The following RSPO3 variants were observed in gnomAD, a reference collection of about 807,000 sequenced individuals.
RSPO3 encodes the protein R-spondin-3.
Under a neutral mutation model 36.5 loss-of-function variants are expected in RSPO3, and 17 were observed. That is an observed-to-expected ratio of 0.47 (90% confidence interval 0.32 to 0.70). The LOEUF (loss-of-function observed/expected upper bound fraction) is 0.70, where lower values mean the gene tolerates loss of function less well. Ranked by LOEUF, RSPO3 falls within the 30% of genes least tolerant of loss-of-function variation. The pLI is 0.04. For synonymous variants in RSPO3, 108 were observed against 107.0 expected, an observed-to-expected ratio of 1.01 and a Z score of -0.06; for missense variants, 294 against 322.5, an observed-to-expected ratio of 0.91 and a Z score of 0.68.
intron 1 of RSPO3, among the ~76,000 whole-genome samples, chr6:127,143,993 T>C (rs1260758208): frequency 6.6e-6 from 1 of 152,202 alleles, no homozygotes; most frequent in Non-Finnish European, 1.5e-5. Flanking sequence ...GTTGCATCAG[T>C]TATGTATCAC....
chr6:127,172,595 T>C (rs938694682), intron 4 of RSPO3, among the ~76,000 whole-genome samples: 2 of 151,776 alleles, frequency 1.3e-5, no homozygotes, highest in Admixed American at 6.6e-5. Flanking sequence ...GACAGAAACA[T>C]GTATTCGCTT....
chr6:127,160,515 A>G (rs905500793), intron 4 of RSPO3, among the ~76,000 whole-genome samples: 4 of 152,322 alleles, frequency 2.6e-5, no homozygotes, highest in Non-Finnish European at 4.4e-5. Flanking sequence ...GAGCAGGGAT[A>G]CCCCATAGGC....
chr6:127,175,659 T>C (rs904994347), intron 4 of RSPO3, among the ~76,000 whole-genome samples: 4 of 151,762 alleles, frequency 2.6e-5, no homozygotes, highest in Middle Eastern at 3.2e-3. Context: ...CAGAGGCCAA[T>C]TTTAGCACAG....
At chr6:127,138,028 T>C (rs1774195509) in intron 1 of RSPO3, among the ~76,000 whole-genome samples, 1 of 152,156 alleles carries the variant, frequency 6.6e-6, no homozygotes, top group African/African-American at 2.4e-5. Flanking sequence ...AGTGTGGTAT[T>C]TATATCACCT....
At chr6:127,129,353 A>T (rs1774005269) in intron 1 of RSPO3, among the ~76,000 whole-genome samples, 1 of 152,076 alleles carries the variant, frequency 6.6e-6, no homozygotes, top group Admixed American at 6.6e-5. Context: ...AACTGGGGAA[A>T]GTTCCATGTA....
intron 4 of RSPO3, among the ~76,000 whole-genome samples, chr6:127,189,060 T>C (rs114717760): frequency 1.4e-3 from 209 of 152,278 alleles, no homozygotes; most frequent in African/African-American, 4.3e-3. Context: ...CTGGTACATA[T>C]TAAAAGTAAT....
At chr6:127,128,322 C>T (rs559396559) in intron 1 of RSPO3, among the ~76,000 whole-genome samples, 6 of 151,856 alleles carry the variant, frequency 4.0e-5, no homozygotes, top group African/African-American at 9.6e-5. Flanking sequence ...CCTGAGGTCA[C>T]ATTAGAATTT....
chr6:127,163,314 G>T (rs750340473), intron 4 of RSPO3, among the ~76,000 whole-genome samples: 1 of 151,984 alleles, frequency 6.6e-6, no homozygotes, highest in African/African-American at 2.4e-5. Flanking sequence ...TGACATAGGG[G>T]ACACCCCACA....
chr6:127,139,719 C>T (rs1313775420), intron 1 of RSPO3, among the ~76,000 whole-genome samples: 5 of 152,064 alleles, frequency 3.3e-5, no homozygotes, highest in Non-Finnish European at 7.4e-5. Context: ...TTATTACCTA[C>T]TAACTCATCA....
chr6:127,130,278 C>T (rs767298014), intron 1 of RSPO3, among the ~76,000 whole-genome samples: 6 of 152,082 alleles, frequency 3.9e-5, no homozygotes, highest in Admixed American at 6.6e-5. Context: ...CTTTATGTAA[C>T]GGATCTTTAA....
chr6:127,148,329 T>TA (rs1287480520), intron 1 of RSPO3, among the ~76,000 whole-genome samples: 1 of 151,276 alleles, frequency 6.6e-6, no homozygotes, highest in Non-Finnish European at 1.5e-5. Flanking sequence ...AGAATATATA[T>TA]AATTAGTTAT....
chr6:127,178,362 A>G (rs1775098680), intron 4 of RSPO3, among the ~76,000 whole-genome samples: 1 of 151,720 alleles, frequency 6.6e-6, no homozygotes, highest in Admixed American at 6.6e-5. Context: ...AAGTCAGGTT[A>G]AAAAATGATT....
chr6:127,148,520 C>A, intron 1 of RSPO3, 128 bp from the exon 2 acceptor site: 5 of 580,242 alleles, frequency 8.6e-6, no homozygotes, highest in East Asian at 3.0e-5. Context: ...GAAAAAAAAT[C>A]CCACCTCATT....
intron 3 of RSPO3, among the ~76,000 whole-genome samples, chr6:127,152,344 C>T (rs1221744586): frequency 6.6e-6 from 1 of 152,114 alleles, no homozygotes; most frequent in Non-Finnish European, 1.5e-5. Context: ...AGATGTCTCC[C>T]ATCATATGGC....
At chr6:127,119,496 T>A (rs920646033) in intron 1 of RSPO3, among the ~76,000 whole-genome samples, 3 of 152,150 alleles carry the variant, frequency 2.0e-5, no homozygotes, top group Non-Finnish European at 4.4e-5. Context: ...TCCTAGCCGG[T>A]GCGAGGGGCG....
intron 4 of RSPO3, among the ~76,000 whole-genome samples, chr6:127,162,718 T>C (rs1042841441): frequency 2.0e-5 from 3 of 152,214 alleles, no homozygotes. Context: ...CACAAGGTAA[T>C]GACCATAGAG....
intron 4 of RSPO3, among the ~76,000 whole-genome samples, chr6:127,167,743 A>G (rs1210049400): frequency 6.6e-6 from 1 of 151,854 alleles, no homozygotes. Context: ...TTTATCTCCT[A>G]ATGCTATCCC....
At chr6:127,121,423 G>A (rs1006856689) in intron 1 of RSPO3, among the ~76,000 whole-genome samples, 1 of 152,158 alleles carries the variant, frequency 6.6e-6, no homozygotes, top group African/African-American at 2.4e-5. Flanking sequence ...TTGTGTTGAG[G>A]GGATGAAAGA....
intron 3 of RSPO3, among the ~76,000 whole-genome samples, chr6:127,150,862 T>A (rs1452068879): frequency 6.6e-6 from 1 of 151,582 alleles, no homozygotes; most frequent in Admixed American, 6.6e-5. Flanking sequence ...TTTAGTGAAT[T>A]TTTATTTAAT....
Sources: allele counts gnomAD v4.1 joint callset (sites outside exome capture counted in the v4.1 genomes callset), GRCh38; gene constraint gnomAD v4.1.1; transcripts MANE v1.5; gene names NCBI Gene and HGNC (gene_info 2026-07-23, HGNC 2026-07-21).